SEC61A2: variants seen among roughly 807,000 people sequenced by gnomAD.
SEC61A2 encodes SEC61 translocon subunit alpha 2.
SEC61A2 carries 28 observed loss-of-function variants against 59.9 expected under a neutral mutation model. The observed-to-expected ratio is 0.47, with a 90% CI of 0.35 to 0.64. The LOEUF is 0.64. Ranked by LOEUF, SEC61A2 falls within the 30% of genes least tolerant of loss-of-function variation. The pLI is 0.01. For missense variants in SEC61A2, 340 were observed against 585.9 expected (o/e 0.58, Z 4.33); for synonymous variants, 202 against 214.4 (o/e 0.94, Z 0.50).
downstream of SEC61A2, among the ~76,000 whole-genome samples, chr10:12,168,164 A>G (rs1834754268): frequency 6.6e-6 from 1 of 152,006 alleles, no homozygotes; most frequent in African/African-American, 2.4e-5. This position sits in a 1 kb window ranked among gnomAD's most constrained non-coding sequence, Gnocchi z 4.8. Flanking sequence ...AGCTGGGACT[A>G]TAGGCGCACG....
chr10:12,160,707 CTCAA>C lies in SEC61A2; in HGVS notation c.976-221_976-218del, dbSNP rs1320384750. 2.4e-5 allele frequency among the ~76,000 whole-genome samples: 3 copies of C among 123,576 alleles called. No homozygotes were observed. The highest frequency in any genetic ancestry group is 8.0e-5 in the Admixed American group (1 of 12,450). The allele number at this position is 123,576 out of a possible 152,430, so 81.1% of individuals were successfully genotyped here. A position where few individuals can be genotyped will look rare whatever the true frequency, so the allele number is the denominator to read the frequency against. On this transcript the variant is annotated intron_variant, in intron 9 of 11. Transcript: ENST00000298428. The surrounding 1 kb of genome is among the most constrained non-coding windows in gnomAD (Gnocchi z 4.1). ...AATATATTACAATTTTTAAAAATGA[CTCAA>C]TATTTTCACAGTGTCTTGCATGTAA...
Position 12,157,947 on chromosome 10 carries a change from C to T in SEC61A2, c.817C>T (p.Arg273Ter). The T allele has an allele frequency of 7.4e-6, 12 of 1,614,048 alleles. No homozygotes were observed. The highest frequency in any genetic ancestry group is 8.5e-6 in the Non-Finnish European group (10 of 1,180,014). ...TCTGCCCATTAAGTCGGCCCGTTAC[C>T]GAGGACAGTACAGCAGCTACCCCAT... ...VDLPIKSARY[R>*]GQYSSYPIKL... Residue 273 changes from arginine to a stop codon, truncating the protein, a stop_gained, in exon 9 of 12, where the codon CGA becomes TGA. Coordinates refer to ENST00000298428, the MANE Select transcript of SEC61A2 (RefSeq NM_018144.4). LOFTEE classifies it high-confidence loss of function.
At chr10:12,146,689 T>C (rs967798778) in intron 4 of SEC61A2, among the ~76,000 whole-genome samples, 1 of 151,850 alleles carries the variant, frequency 6.6e-6, no homozygotes, top group African/African-American at 2.4e-5. Flanking sequence ...TGCTAATTTT[T>C]TGTATTTTTT....
chr10:12,164,521 G>C lies in SEC61A2; in HGVS notation c.*67G>C. On this transcript the variant is annotated 3_prime_UTR_variant, in exon 12 of 12. Transcript: ENST00000298428. The surrounding 1 kb of genome is among the most constrained non-coding windows in gnomAD (Gnocchi z 7.3). Reference sequence around the variant, plus strand: ...CTTTGACGGATCGTTTTTGTCAGATGACACTGGTGGCTCCCCTTTTCTCCC... The same window carrying C: ...CTTTGACGGATCGTTTTTGTCAGATCACACTGGTGGCTCCCCTTTTCTCCC... 1.3e-6 allele frequency: 2 copies of C among 1,547,092 alleles called. No homozygotes were observed. The highest frequency in any genetic ancestry group is 2.5e-5 in the South Asian group (2 of 78,998).
At chr10:12,169,744 TCAAA>T (rs909471335), downstream of SEC61A2, 13 of 226,474 alleles carry the variant, frequency 5.7e-5, no homozygotes, top group Non-Finnish European at 1.1e-4. This position sits in a 1 kb window ranked among gnomAD's most constrained non-coding sequence, Gnocchi z 4.8. Context: ...ATTCAGATTT[TCAAA>T]CAAACAACAG....
In SEC61A2 at chr10:12,164,599, G is replaced by A. The variant is rs899026728; in HGVS notation, c.*145G>A. The stretch of plus-strand genomic sequence containing the variant: ...CTGACCCGTTTCTGAAATGGGCACC[G>A]AGCTAAGTCTGTGTGCAGCATTAGT... On this transcript the variant is annotated 3_prime_UTR_variant, in exon 12 of 12. Coordinates refer to ENST00000298428, the MANE Select transcript of SEC61A2 (RefSeq NM_018144.4). The surrounding 1 kb of genome is among the most constrained non-coding windows in gnomAD (Gnocchi z 7.3). The A allele has an allele frequency of 6.9e-6, 10 of 1,445,748 alleles. No individual in the cohort carries two copies. The African/African-American group carries it at 7.2e-5, about 10-fold the overall frequency. 89.6% of individuals were successfully genotyped at this position (1,445,748 alleles called of 1,614,324 possible). A position where few individuals can be genotyped will look rare whatever the true frequency, so the allele number is the denominator to read the frequency against.
Position 12,162,199 on chromosome 10 carries a change from T to C in SEC61A2, c.1168-14T>C, listed in dbSNP as rs1221290341. 1.9e-6 allele frequency: 3 copies of C among 1,612,510 alleles called. No homozygotes were observed. Among genetic ancestry groups the C allele is most frequent in the Non-Finnish European group, 2.5e-6 (3 of 1,178,858 alleles). ...GTTCCAGTTGGATTTTGAAAGTCGTTTTTCTCTCGGCAGGTAGCTAAACAG... is the reference window on the plus strand; with the variant it reads ...GTTCCAGTTGGATTTTGAAAGTCGTCTTTCTCTCGGCAGGTAGCTAAACAG... On this transcript the variant is annotated splice_polypyrimidine_tract_variant and intron_variant, in intron 10 of 11. Transcript: ENST00000298428. This position sits in a 1 kb window ranked among gnomAD's most constrained non-coding sequence, Gnocchi z 6.1.
At position 12,160,966 on chromosome 10, in the gene SEC61A2, G is replaced by T. The variant is rs1229586229; in HGVS notation, c.1012G>T (p.Val338Phe). ...SGGGPARSYPVGGLCYYLSPP... is the reference protein window; with the variant it reads ...SGGGPARSYPFGGLCYYLSPP... ...GGGAGGACCCGCACGTTCTTACCCA[G>T]TTGGAGGCCTTTGTTACTATCTTTC... Residue 338 changes from valine to phenylalanine, a missense_variant, in exon 10 of 12, where the codon GTT becomes TTT. Val to Phe is a conservative substitution (Grantham distance 50). This residue lies in a region of SEC61A2 where 283 missense variants were observed against 483.2 expected (regional missense o/e 0.59). Transcript: ENST00000298428. This position sits in a 1 kb window ranked among gnomAD's most constrained non-coding sequence, Gnocchi z 4.1. The T allele has an allele frequency of 1.9e-6, 3 of 1,613,970 alleles. No individual in the cohort carries two copies. The highest frequency in any genetic ancestry group is 2.5e-6 in the Non-Finnish European group (3 of 1,179,992).
Position 12,155,422 on chromosome 10 carries a change from C to T in SEC61A2, c.463-356C>T. 2.2e-6 allele frequency: 3 copies of T among 1,345,846 alleles called. No homozygotes were observed. Among genetic ancestry groups the T allele is most frequent in the East Asian group, 2.5e-5 (1 of 40,106 alleles). The allele number at this position is 1,345,846 out of a possible 1,614,324, so 83.4% of individuals were successfully genotyped here. A position where few individuals can be genotyped will look rare whatever the true frequency, so the allele number is the denominator to read the frequency against. ...TCCTTGGAGGTATTTGGGATGTTTTCAGTTTCTTGCTGTCATAAATTCTAG... is the reference window on the plus strand; with the variant it reads ...TCCTTGGAGGTATTTGGGATGTTTTTAGTTTCTTGCTGTCATAAATTCTAG... On this transcript the variant is annotated intron_variant, in intron 6 of 11. Transcript: ENST00000298428. This position sits in a 1 kb window ranked among gnomAD's most constrained non-coding sequence, Gnocchi z 4.3.
Position 12,155,491 on chromosome 10 carries a change from C to A in SEC61A2, c.463-287C>A. 1.3e-6 allele frequency: 1 copy of A among 762,940 alleles called. No individual in the cohort carries two copies. The highest frequency in any genetic ancestry group is 2.0e-6 in the Non-Finnish European group (1 of 495,280). 47.3% of individuals were successfully genotyped at this position (762,940 alleles called of 1,614,324 possible). On this transcript the variant is annotated intron_variant, in intron 6 of 11. Transcript: ENST00000298428. The surrounding 1 kb of genome is among the most constrained non-coding windows in gnomAD (Gnocchi z 4.3). ...TGTTTCAGTGTGCTTTTCAAACAGG[C>A]TTTATTTAAACATTGCAAAAGAAAC...
In SEC61A2 at chr10:12,160,861, G is replaced by C; in HGVS notation, c.976-69G>C. 1 of 1,313,272 alleles carries C rather than the reference G, an allele frequency of 7.6e-7. No individual in the cohort carries two copies. The highest frequency in any genetic ancestry group is 1.1e-6 in the Non-Finnish European group (1 of 943,860). The allele number at this position is 1,313,272 out of a possible 1,614,324, so 81.4% of individuals were successfully genotyped here. ...AAACACTGTCATTTCTGAGAAGTTT[G>C]AAGTGACATGCAAATGTATTCCTGA... On this transcript the variant is annotated intron_variant, in intron 9 of 11. Transcript: ENST00000298428. This position sits in a 1 kb window ranked among gnomAD's most constrained non-coding sequence, Gnocchi z 4.1.
rs60469535 is a variant in SEC61A2, at chr10:12,153,058, CA to C, written c.463-2705del. The stretch of plus-strand genomic sequence containing the variant: ...TGGGCGACAGAGTGAGACTCTGTCT[CA>C]AAAAAAAAAAAAAAGATTAACTTTG... On this transcript the variant is annotated intron_variant, in intron 6 of 11. Transcript: ENST00000298428. This position sits in a 1 kb window ranked among gnomAD's most constrained non-coding sequence, Gnocchi z 5.2. Among the ~76,000 whole-genome samples the C allele has an allele frequency of 0.46, 58,251 of 126,626 alleles. 11,296 individuals are homozygous for C. Among genetic ancestry groups the C allele is most frequent in the East Asian group, 0.54 (2,459 of 4,512 alleles). 83.1% of individuals were successfully genotyped at this position (126,626 alleles called of 152,430 possible).
chr10:12,142,963 T>TG lies in SEC61A2; in HGVS notation c.142-154_142-153insG, dbSNP rs35142358. Among the ~76,000 whole-genome samples the TG allele has an allele frequency of 1.7e-5, 1 of 60,218 alleles. No homozygotes were observed. The highest frequency in any genetic ancestry group is 4.4e-5 in the Non-Finnish European group (1 of 22,668). The allele number at this position is 60,218 out of a possible 152,430, so 39.5% of individuals were successfully genotyped here. On this transcript the variant is annotated intron_variant, in intron 3 of 11. Coordinates refer to ENST00000298428, the MANE Select transcript of SEC61A2 (RefSeq NM_018144.4). This position sits in a 1 kb window ranked among gnomAD's most constrained non-coding sequence, Gnocchi z 5.4. ...TGTAAATTAAGTGCACACTTTATAC[T>TG]TTTTTTTTTTGAGACAGAGTCTCCT...
In SEC61A2 at chr10:12,161,434, G is replaced by C. The variant is rs1432362911; in HGVS notation, c.1167+313G>C. On this transcript the variant is annotated intron_variant, in intron 10 of 11. Coordinates refer to ENST00000298428, the MANE Select transcript of SEC61A2 (RefSeq NM_018144.4). The surrounding 1 kb of genome is among the most constrained non-coding windows in gnomAD (Gnocchi z 5.4). ...TGCACTCCAGCCTGGGTGACAGAGC[G>C]AGATCCTGTCTCAAAAAAATAAAAA... Among the ~76,000 whole-genome samples the C allele has an allele frequency of 2.6e-5, 4 of 151,518 alleles. No homozygotes were observed. The highest frequency in any genetic ancestry group is 4.9e-5 in the African/African-American group (2 of 41,190).
At position 12,133,298 on chromosome 10, in the gene SEC61A2, C is replaced by T. The variant is rs761475563; in HGVS notation, c.65C>T (p.Pro22Leu). The stretch of plus-strand genomic sequence containing the variant: ...GCAGTTCTACCAGAAATTCAGAAAC[C>T]GGAAAGGAAAGTAAGTATAATATTT... Reference protein sequence around the residue: ...FCAVLPEIQKPERKIQFREKV... With the variant: ...FCAVLPEIQKLERKIQFREKV... The change falls in exon 2 of 12, where the codon CCG (proline) becomes CTG (leucine). Residue 22 changes from proline (P) to leucine (L), a missense_variant. Around this residue, in one of 3 missense-constraint regions of SEC61A2, gnomAD observed 41 missense variants for 47.6 expected, o/e 0.86. Coordinates refer to ENST00000298428, the MANE Select transcript of SEC61A2 (RefSeq NM_018144.4). The T allele has an allele frequency of 3.9e-6, 6 of 1,549,698 alleles. No homozygotes were observed. The highest frequency in any genetic ancestry group is 2.3e-5 in the East Asian group (1 of 44,408).
chr10:12,148,894 C>T (rs1415411892), intron 4 of SEC61A2, among the ~76,000 whole-genome samples: 1 of 151,992 alleles, frequency 6.6e-6, no homozygotes, highest in Non-Finnish European at 1.5e-5. Flanking sequence ...GTATCTGAGA[C>T]GACATCAAAA....
At chr10:12,131,682 C>CTTTTTTTTTT (rs1199525836) in intron 1 of SEC61A2, among the ~76,000 whole-genome samples, 4 of 46,554 alleles carry the variant, frequency 8.6e-5, no homozygotes, top group Non-Finnish European at 1.2e-4. Context: ...GATTACATAC[C>CTTTTTTTTTT]TTTTTTTTTT....
chr10:12,137,332 T>C (rs1177008326), intron 3 of SEC61A2, among the ~76,000 whole-genome samples: 1 of 152,192 alleles, frequency 6.6e-6, no homozygotes, highest in Non-Finnish European at 1.5e-5. Flanking sequence ...TTTTTTGGTT[T>C]TTTTTTGAGA....
In SEC61A2 at chr10:12,155,608, C is replaced by CTAAA. The variant is rs1248123343; in HGVS notation, c.463-169_463-168insAAAT. Among the ~76,000 whole-genome samples, 25 of 152,250 alleles carry CTAAA rather than the reference C, an allele frequency of 1.6e-4. No homozygotes were observed. The highest frequency in any genetic ancestry group is 5.8e-4 in the African/African-American group (24 of 41,562). Reference sequence around the variant, plus strand: ...AGTCCTCTTACTGTTCTAGATTGGCCTGAGTAAATGAAAGCAGGCCAAAAG... The same window carrying CTAAA: ...AGTCCTCTTACTGTTCTAGATTGGCCTAAATGAGTAAATGAAAGCAGGCCAAAAG... On this transcript the variant is annotated intron_variant, in intron 6 of 11. Coordinates refer to ENST00000298428, the MANE Select transcript of SEC61A2 (RefSeq NM_018144.4). The surrounding 1 kb of genome is among the most constrained non-coding windows in gnomAD (Gnocchi z 4.3).
Sources: allele counts gnomAD v4.1 joint callset (sites outside exome capture counted in the v4.1 genomes callset), GRCh38; gene constraint gnomAD v4.1.1; regional missense constraint gnomAD v4.1.1; non-coding constraint Gnocchi (gnomAD v3.1); transcripts MANE v1.5; gene names NCBI Gene and HGNC (gene_info 2026-07-23, HGNC 2026-07-21).